MSI2: variants seen among roughly 807,000 people sequenced by gnomAD.
The protein encoded by MSI2 is musashi RNA binding protein 2.
A neutral mutation model predicts 45.6 loss-of-function variants in MSI2; 17 were observed. That is an observed-to-expected ratio of 0.37 (90% CI 0.26 to 0.56). MSI2 has a LOEUF of 0.56. Ranked by LOEUF, MSI2 falls within the 20% of genes least tolerant of loss-of-function variation. MSI2 has a pLI of 0.77. For synonymous variants in MSI2, 156 were observed against 158.2 expected, an observed-to-expected ratio of 0.99 and a Z score of 0.11; for missense variants, 293 against 444.2, an observed-to-expected ratio of 0.66 and a Z score of 3.06.
intron 10 of MSI2, among the ~76,000 whole-genome samples, chr17:57,644,068 C>T (rs965014691): frequency 4.6e-5 from 7 of 152,238 alleles, no homozygotes; most frequent in African/African-American, 1.7e-4. Flanking sequence ...GCACCCCCTT[C>T]CCCAACCAGC....
At position 57,256,820 on chromosome 17, in the gene MSI2, C is replaced by T. The variant is rs1222020781; in HGVS notation, c.62+16C>T. 6.2e-6 allele frequency: 9 copies of T among 1,453,080 alleles called. No individual in the cohort carries two copies. The highest frequency in any genetic ancestry group is 8.1e-6 in the Non-Finnish European group (9 of 1,104,850). 90.0% of individuals were successfully genotyped at this position (1,453,080 alleles called of 1,614,324 possible). On this transcript the variant is annotated intron_variant, in intron 1 of 13. Transcript: ENST00000284073. ...ACGACCCCGGGTAAGTTTCCAGCCG[C>T]TGCCCACCGCGCCGCCTTGGGCTCG...
intron 5 of MSI2, among the ~76,000 whole-genome samples, chr17:57,289,495 A>AC (rs1234154474): frequency 1.3e-5 from 2 of 150,508 alleles, no homozygotes; most frequent in African/African-American, 4.9e-5. Flanking sequence ...TAAAAAAAAA[A>AC]AGTTTTGCTT....
chr17:57,548,094 G>A (rs143758823), intron 7 of MSI2, among the ~76,000 whole-genome samples: 2 of 152,154 alleles, frequency 1.3e-5, no homozygotes, highest in Non-Finnish European at 1.5e-5. Context: ...TCTTTAGTAC[G>A]CATCGTGGCA....
intron 7 of MSI2, among the ~76,000 whole-genome samples, chr17:57,541,721 C>T (rs2087050534): frequency 6.6e-6 from 1 of 152,196 alleles, no homozygotes; most frequent in Non-Finnish European, 1.5e-5. Context: ...ATGTGCTTCT[C>T]TTAATCCCCT....
intron 6 of MSI2, among the ~76,000 whole-genome samples, chr17:57,445,783 C>T (rs894320154): frequency 5.9e-5 from 9 of 152,118 alleles, no homozygotes; most frequent in African/African-American, 1.9e-4. Flanking sequence ...GGTGTCTCCC[C>T]GAATTCCAAA....
chr17:57,624,893 G>C (rs183586498), intron 9 of MSI2, among the ~76,000 whole-genome samples: 1 of 152,228 alleles, frequency 6.6e-6, no homozygotes, highest in East Asian at 1.9e-4. Flanking sequence ...TGCTGTCACA[G>C]ATTACCATAG....
At position 57,652,818 on chromosome 17, in the gene MSI2, C is replaced by T. The variant is rs993163432; in HGVS notation, c.790+657C>T. 2.6e-5 allele frequency among the ~76,000 whole-genome samples: 4 copies of T among 152,248 alleles called. No homozygotes were observed. The highest frequency in any genetic ancestry group is 2.6e-4 in the Admixed American group (4 of 15,292). Reference sequence around the variant, plus strand: ...CCAACCTTTTGGAGGTCTGGAACCCCTCAAGTGACATGGGAACACTTTCCC... The same window carrying T: ...CCAACCTTTTGGAGGTCTGGAACCCTTCAAGTGACATGGGAACACTTTCCC... On this transcript the variant is annotated intron_variant, in intron 11 of 13. Transcript: ENST00000284073. The surrounding 1 kb of genome is among the most constrained non-coding windows in gnomAD (Gnocchi z 4.1).
At chr17:57,544,457 G>T (rs1292482794) in intron 7 of MSI2, among the ~76,000 whole-genome samples, 1 of 152,122 alleles carries the variant, frequency 6.6e-6, no homozygotes, top group African/African-American at 2.4e-5. Context: ...TCTTTATAAG[G>T]TTCTTTCAAA....
At chr17:57,518,140 A>G (rs1402449546) in intron 6 of MSI2, among the ~76,000 whole-genome samples, 1 of 152,184 alleles carries the variant, frequency 6.6e-6, no homozygotes, top group Non-Finnish European at 1.5e-5. Flanking sequence ...TGATGCCCTC[A>G]GAAGTTCCCT....
chr17:57,569,365 C>T (rs1248314272), intron 7 of MSI2, among the ~76,000 whole-genome samples: 1 of 152,218 alleles, frequency 6.6e-6, no homozygotes, highest in Non-Finnish European at 1.5e-5. Context: ...AAAGGCATCT[C>T]TGCCCCAGCC....
intron 7 of MSI2, among the ~76,000 whole-genome samples, chr17:57,535,890 TG>T (rs2086910820): frequency 6.6e-6 from 1 of 152,244 alleles, no homozygotes; most frequent in African/African-American, 2.4e-5. Flanking sequence ...TTTATTAAAA[TG>T]GTGCCAGTAA....
intron 7 of MSI2, among the ~76,000 whole-genome samples, chr17:57,551,671 T>C (rs181671820): frequency 2.0e-5 from 3 of 152,022 alleles, no homozygotes; most frequent in Admixed American, 6.5e-5. Context: ...ACTGCTGAAG[T>C]CTTAGCTTTC....
chr17:57,583,243 G>A (rs2088251852), intron 7 of MSI2, among the ~76,000 whole-genome samples: 1 of 152,170 alleles, frequency 6.6e-6, no homozygotes, highest in Admixed American at 6.5e-5. Flanking sequence ...TCCATTTACT[G>A]GTTACCTGTA....
intron 7 of MSI2, among the ~76,000 whole-genome samples, chr17:57,561,671 A>G (rs1050650088): frequency 4.6e-5 from 7 of 152,318 alleles, no homozygotes; most frequent in African/African-American, 1.7e-4. Context: ...TGAGGACGAC[A>G]GAAAGGTAGG....
At chr17:57,458,790 CAGGT>C (rs905256937) in intron 6 of MSI2, among the ~76,000 whole-genome samples, 5 of 152,190 alleles carry the variant, frequency 3.3e-5, no homozygotes, top group Non-Finnish European at 5.9e-5. Flanking sequence ...AGGTGGGATA[CAGGT>C]GGGACACAGG....
At chr17:57,647,380 C>T (rs1406495306) in intron 10 of MSI2, among the ~76,000 whole-genome samples, 4 of 147,864 alleles carry the variant, frequency 2.7e-5, no homozygotes, top group Admixed American at 1.4e-4. Context: ...ACCCTGGAGG[C>T]GGAGGTTGCG....
At chr17:57,309,331 T>C (rs1017829383) in intron 5 of MSI2, among the ~76,000 whole-genome samples, 1 of 152,182 alleles carries the variant, frequency 6.6e-6, no homozygotes, top group South Asian at 2.1e-4. Flanking sequence ...TCTCTTATAC[T>C]TGGATCATGC....
chr17:57,634,974 C>T (rs139618637), intron 10 of MSI2, among the ~76,000 whole-genome samples: 22 of 152,344 alleles, frequency 1.4e-4, no homozygotes, highest in African/African-American at 5.3e-4. Flanking sequence ...GGTCACATGA[C>T]CAGTTTCAGC....
At chr17:57,357,458 C>T (rs180773927) in intron 5 of MSI2, among the ~76,000 whole-genome samples, 41 of 152,324 alleles carry the variant, frequency 2.7e-4, no homozygotes, top group Non-Finnish European at 4.3e-4. Flanking sequence ...CGGCAGCACA[C>T]AGACACCTCC....
Sources: gnomAD v4.1 joint callset for allele counts (sites outside exome capture counted in the v4.1 genomes callset) on GRCh38, gnomAD v4.1.1 for gene constraint, Gnocchi (gnomAD v3.1) non-coding constraint, MANE v1.5 for transcripts, NCBI Gene and HGNC (gene_info 2026-07-23, HGNC 2026-07-21) for gene names.